The following HDHD2 variants were observed in gnomAD, a reference collection of about 807,000 sequenced individuals.
The protein encoded by HDHD2 is haloacid dehalogenase like hydrolase domain containing 2, also known as haloacid dehalogenase-like hydrolase domain-containing protein 2.
Under a neutral mutation model 24.8 loss-of-function variants are expected in HDHD2, and 26 were observed. The observed-to-expected ratio is 1.05, with a 90% CI of 0.77 to 1.45. The LOEUF (loss-of-function observed/expected upper bound fraction) is 1.45. HDHD2 is among the 40% of genes most tolerant of loss of function. The pLI, the probability that HDHD2 is intolerant of heterozygous loss-of-function variation, is 0.00. For synonymous variants in HDHD2, 128 were observed against 114.9 expected, an observed-to-expected ratio of 1.11 and a Z score of -0.73; for missense variants, 299 against 313.4, an observed-to-expected ratio of 0.95 and a Z score of 0.35.
chr18:47,116,812 T>C (rs2063561623), intron 4 of HDHD2, among the ~76,000 whole-genome samples: 1 of 152,238 alleles, frequency 6.6e-6, no homozygotes, highest in Non-Finnish European at 1.5e-5. Context: ...TCAAAATTGC[T>C]TTCCACTTAT....
chr18:47,140,225 G>T (rs1398065408), intron 1 of HDHD2, among the ~76,000 whole-genome samples: 1 of 152,172 alleles, frequency 6.6e-6, no homozygotes, highest in East Asian at 1.9e-4. Context: ...GCAAAACCAA[G>T]ATCCACCTTT....
chr18:47,144,654 C>T lies in HDHD2; in HGVS notation c.-11+5724G>A, dbSNP rs147291830. On this transcript the variant is annotated intron_variant, in intron 1 of 6. Transcript: ENST00000300605. ...AAATCCCATAAATAAAATCAAATAG[C>T]CAAGCGTGGTAGCATGGGCCTGTAG... 2.5e-3 allele frequency among the ~76,000 whole-genome samples: 374 copies of T among 151,862 alleles called. 2 individuals carry two copies. Among genetic ancestry groups the T allele is most frequent in the African/African-American group, 8.6e-3 (357 of 41,430 alleles).
chr18:47,136,762 A>G (rs1161860992), intron 1 of HDHD2, among the ~76,000 whole-genome samples: 1 of 152,102 alleles, frequency 6.6e-6, no homozygotes, highest in African/African-American at 2.4e-5. Flanking sequence ...TCATTCATTT[A>G]TTTTATTTTT....
chr18:47,135,258 CTT>C (rs904719955), intron 2 of HDHD2, among the ~76,000 whole-genome samples: 17 of 128,356 alleles, frequency 1.3e-4, no homozygotes, highest in South Asian at 2.6e-4. Flanking sequence ...TAGATTTTTT[CTT>C]TTTTTTTTTT....
At chr18:47,147,014 A>G (rs2063878001) in intron 1 of HDHD2, among the ~76,000 whole-genome samples, 1 of 152,214 alleles carries the variant, frequency 6.6e-6, no homozygotes, top group South Asian at 2.1e-4. Flanking sequence ...ATACTCTTCT[A>G]TAGATGATAT....
intron 1 of HDHD2, among the ~76,000 whole-genome samples, chr18:47,143,646 T>C (rs755051600): frequency 2.0e-5 from 3 of 152,198 alleles, no homozygotes; most frequent in Non-Finnish European, 4.4e-5. Context: ...CCATCAATGT[T>C]AGCATATGAG....
intron 4 of HDHD2, among the ~76,000 whole-genome samples, chr18:47,120,920 G>C (rs146877573): frequency 4.6e-5 from 7 of 152,210 alleles, no homozygotes; most frequent in South Asian, 2.1e-4. Flanking sequence ...GTTTGTGGCT[G>C]CCCAAAACAA....
chr18:47,132,376 C>T (rs528473878), intron 3 of HDHD2, among the ~76,000 whole-genome samples: 1 of 152,224 alleles, frequency 6.6e-6, no homozygotes, highest in African/African-American at 2.4e-5. Context: ...TCCAATCTTT[C>T]GTTATTACAA....
chr18:47,108,704 T>C lies in HDHD2; in HGVS notation c.758A>G (p.His253Arg). Residue 253 changes from histidine to arginine, a missense_variant, in exon 7 of 7, where the codon CAC becomes CGC. Transcript: ENST00000300605. ...TCESFPHAVD[H>R]ILQHLL ...GCTTCACAATAGGTGCTGCAGAATG[T>C]GGTCCACAGCATGAGGGAAACTCTC... is the stretch of plus-strand genomic sequence containing the variant. The C allele has an allele frequency of 6.3e-7, 1 of 1,598,264 alleles. No individual in the cohort carries two copies. The highest frequency in any genetic ancestry group is 1.1e-5 in the South Asian group (1 of 90,498).
intron 2 of HDHD2, 32 bp from the exon 3 acceptor site, chr18:47,134,736 C>T (rs1435720642): frequency 6.4e-7 from 1 of 1,554,726 alleles, no homozygotes; most frequent in African/African-American, 1.4e-5. Flanking sequence ...AGTCAAAAGG[C>T]AGCTTTTACA....
At chr18:47,127,863 C>T (rs1353077458) in intron 4 of HDHD2, among the ~76,000 whole-genome samples, 1 of 152,194 alleles carries the variant, frequency 6.6e-6, no homozygotes, top group Admixed American at 6.5e-5. Flanking sequence ...TTTGATGTAT[C>T]TGCCTTGATG....
chr18:47,141,905 T>C (rs1464883031), intron 1 of HDHD2, among the ~76,000 whole-genome samples: 1 of 152,222 alleles, frequency 6.6e-6, no homozygotes, highest in Non-Finnish European at 1.5e-5. Context: ...TGGGAGGTAA[T>C]TGAATCATGG....
At chr18:47,137,503 T>C (rs1047968620) in intron 1 of HDHD2, among the ~76,000 whole-genome samples, 2 of 152,220 alleles carry the variant, frequency 1.3e-5, no homozygotes, top group Admixed American at 1.3e-4. Flanking sequence ...TTTAACTAAA[T>C]AGCCAATGGT....
At chr18:47,141,890 C>A (rs1403822071) in intron 1 of HDHD2, among the ~76,000 whole-genome samples, 1 of 152,142 alleles carries the variant, frequency 6.6e-6, no homozygotes, top group Non-Finnish European at 1.5e-5. Context: ...GTGGGAGGGA[C>A]CCAATGGGAG....
intron 3 of HDHD2, 28 bp downstream of exon 3, chr18:47,134,468 A>T (rs2063743720): frequency 1.3e-6 from 2 of 1,486,242 alleles, no homozygotes; most frequent in Admixed American, 3.4e-5. Context: ...TAAATATCCA[A>T]TCTTTAAATT....
At chr18:47,111,392 A>G (rs1204072821) in intron 6 of HDHD2, 4 of 980,562 alleles carry the variant, frequency 4.1e-6, no homozygotes, top group Non-Finnish European at 4.8e-6. Context: ...AGAAAGAAAG[A>G]AAGAAAGAAA....
intron 4 of HDHD2, among the ~76,000 whole-genome samples, chr18:47,125,219 T>G (rs1054130195): frequency 1.3e-5 from 2 of 152,060 alleles, no homozygotes; most frequent in East Asian, 3.9e-4. Flanking sequence ...TACCACTATA[T>G]ACACCAAACA....
chr18:47,110,138 A>T (rs2063503711), intron 6 of HDHD2: 1 of 985,214 alleles, frequency 1.0e-6, no homozygotes, highest in South Asian at 4.7e-5. Flanking sequence ...TCAACAAGAG[A>T]CCTACTGTTT....
At chr18:47,126,324 CTGTT>C (rs1178217862) in intron 4 of HDHD2, among the ~76,000 whole-genome samples, 3 of 152,150 alleles carry the variant, frequency 2.0e-5, no homozygotes, top group African/African-American at 7.2e-5. Context: ...CCATTACTGT[CTGTT>C]TGTCTTGTTC....
Sources: allele counts gnomAD v4.1 joint callset (sites outside exome capture counted in the v4.1 genomes callset), GRCh38; gene constraint gnomAD v4.1.1; transcripts MANE v1.5; gene names NCBI Gene and HGNC (gene_info 2026-07-23, HGNC 2026-07-21).